The following DLGAP4 variants were observed in gnomAD, a reference collection of about 807,000 sequenced individuals.
DLGAP4 encodes disks large-associated protein 4.
In DLGAP4, 18 loss-of-function variants were observed where a neutral mutation model predicts 86.9. The ratio of observed to expected loss-of-function variants is 0.21; its 90% confidence interval spans 0.14 to 0.31. DLGAP4 has a LOEUF of 0.31. Among genes scored for constraint, DLGAP4 ranks in the 10% least tolerant of loss-of-function variants. The probability of loss-of-function intolerance (pLI) is 1.00; values close to 1 mark genes in which losing one functional copy is unlikely to be tolerated. For missense variants in DLGAP4, 1,085 were observed against 1,362.6 expected (o/e 0.80, Z 3.21); for synonymous variants, 548 against 574.3 (o/e 0.95, Z 0.65).
intron 10 of DLGAP4, among the ~76,000 whole-genome samples, chr20:36,512,930 C>CTTTT (rs1390698701): frequency 1.5e-5 from 1 of 66,492 alleles, no homozygotes; most frequent in African/African-American, 6.1e-5. Flanking sequence ...TCTCAGAGGC[C>CTTTT]CTTTTTTTTT....
At chr20:36,319,105 T>G (rs1042850976) in intron 1 of DLGAP4, among the ~76,000 whole-genome samples, 12 of 149,884 alleles carry the variant, frequency 8.0e-5, no homozygotes, top group African/African-American at 2.7e-4. Flanking sequence ...ATTGTGCCAC[T>G]GCACTCCAGC....
chr20:36,457,278 G>C (rs532086562), intron 7 of DLGAP4, among the ~76,000 whole-genome samples: 4 of 151,920 alleles, frequency 2.6e-5, no homozygotes, highest in Non-Finnish European at 5.9e-5. Flanking sequence ...GCGTGCAGTA[G>C]CGAGATCTTG....
At chr20:36,418,653 C>T (rs551261935) in intron 2 of DLGAP4, among the ~76,000 whole-genome samples, 1 of 152,254 alleles carries the variant, frequency 6.6e-6, no homozygotes, top group Admixed American at 6.5e-5. Flanking sequence ...ACCGAGCCCC[C>T]ACCCCCTGAG....
chr20:36,309,745 G>A (rs1209012520), intron 1 of DLGAP4, among the ~76,000 whole-genome samples: 1 of 152,202 alleles, frequency 6.6e-6, no homozygotes, highest in Admixed American at 6.5e-5. Flanking sequence ...CACTCGCCAG[G>A]TCACTGGCCT....
Position 36,432,382 on chromosome 20 carries a change from G to T in DLGAP4, c.665G>T (p.Gly222Val). 1 of 1,613,598 alleles carries T rather than the reference G, an allele frequency of 6.2e-7. No homozygotes were observed. The change falls in exon 3 of 13, where the codon GGC (glycine) becomes GTC (valine). Residue 222 changes from glycine (G) to valine (V), a missense_variant. Around this residue, in one of 2 missense-constraint regions of DLGAP4, gnomAD observed 1,082 missense variants for 1,344.1 expected, o/e 0.81. Transcript: ENST00000339266. The surrounding 1 kb of genome is among the most constrained non-coding windows in gnomAD (Gnocchi z 6.5). ...GAGGCCGGCGCCTTCCGCAGCAGTG[G>T]CCCAGCCTCTGGGCTGATGACACTA... ...DGEAGAFRSS[G>V]PASGLMTLGR...
At chr20:36,452,850 TG>T (rs1170484247) in intron 7 of DLGAP4, among the ~76,000 whole-genome samples, 1 of 145,182 alleles carries the variant, frequency 6.9e-6, no homozygotes, top group African/African-American at 2.6e-5. Context: ...TTTTTTTTTT[TG>T]AGACAGAGTC....
At chr20:36,383,791 C>A (rs533542238) in intron 2 of DLGAP4, among the ~76,000 whole-genome samples, 4 of 151,998 alleles carry the variant, frequency 2.6e-5, no homozygotes, top group African/African-American at 9.6e-5. Flanking sequence ...CTGGCTAACA[C>A]GGTGAAACGC....
chr20:36,514,310 G>T (rs1269368799), intron 10 of DLGAP4, among the ~76,000 whole-genome samples: 1 of 152,122 alleles, frequency 6.6e-6, no homozygotes, highest in South Asian at 2.1e-4. Context: ...ATTAAGAGAA[G>T]AGAAAACAGG....
At chr20:36,489,161 C>T (rs780222429) in intron 7 of DLGAP4, among the ~76,000 whole-genome samples, 4 of 152,218 alleles carry the variant, frequency 2.6e-5, no homozygotes, top group Non-Finnish European at 5.9e-5. Context: ...TGGAGTGTCA[C>T]CTTGTTCCAC....
intron 7 of DLGAP4, among the ~76,000 whole-genome samples, chr20:36,464,791 A>G (rs142074808): frequency 0.012 from 1,756 of 152,200 alleles, 32 homozygotes; most frequent in African/African-American, 0.04. Flanking sequence ...CGGAGGTTGC[A>G]GTGAGCTGAG....
At chr20:36,523,157 T>C (rs1393693836) in intron 10 of DLGAP4, among the ~76,000 whole-genome samples, 1 of 152,090 alleles carries the variant, frequency 6.6e-6, no homozygotes, top group Non-Finnish European at 1.5e-5. Context: ...TGGTCTAAGC[T>C]CACCACAGCC....
chr20:36,376,220 G>A (rs975276580), intron 2 of DLGAP4, among the ~76,000 whole-genome samples: 2 of 150,664 alleles, frequency 1.3e-5, no homozygotes, highest in Non-Finnish European at 3.0e-5. Context: ...GCTCATGCCT[G>A]TAATCCCGGC....
At chr20:36,362,839 G>A (rs2030565076) in intron 1 of DLGAP4, among the ~76,000 whole-genome samples, 2 of 152,194 alleles carry the variant, frequency 1.3e-5, no homozygotes, top group Non-Finnish European at 2.9e-5. Flanking sequence ...GGAGGGCTGG[G>A]GAGTGTAGCA....
At chr20:36,521,243 G>T (rs547303345) in intron 10 of DLGAP4, among the ~76,000 whole-genome samples, 2 of 152,322 alleles carry the variant, frequency 1.3e-5, no homozygotes, top group South Asian at 4.1e-4. Flanking sequence ...TTACAGGCGT[G>T]AGCCTCCACG....
chr20:36,380,952 G>C (rs1389950247), intron 2 of DLGAP4, among the ~76,000 whole-genome samples: 1 of 152,194 alleles, frequency 6.6e-6, no homozygotes, highest in Non-Finnish European at 1.5e-5. Context: ...GGACACCCTA[G>C]CTGCAAGGGA....
chr20:36,498,682 A>T (rs2035990180), intron 8 of DLGAP4: 1 of 152,406 alleles, frequency 6.6e-6, no homozygotes, highest in Non-Finnish European at 1.5e-5. Flanking sequence ...ACTTCTCTCC[A>T]CAAGGCCAAG....
intron 1 of DLGAP4, among the ~76,000 whole-genome samples, chr20:36,324,246 G>A (rs782313619): frequency 2.0e-4 from 30 of 152,082 alleles, no homozygotes; most frequent in Non-Finnish European, 1.5e-5. Context: ...GGCCAACATG[G>A]TAAAACCTCA....
At chr20:36,443,091 G>T (rs932365962) in intron 6 of DLGAP4, among the ~76,000 whole-genome samples, 2 of 152,178 alleles carry the variant, frequency 1.3e-5, no homozygotes, top group Admixed American at 1.3e-4. Flanking sequence ...GAAAGCCTGG[G>T]TCAGGCCTGG....
chr20:36,499,372 C>T (rs765222857), intron 8 of DLGAP4: 7 of 1,539,212 alleles, frequency 4.5e-6, no homozygotes, highest in South Asian at 2.4e-5. Context: ...CCCACCTGCC[C>T]GCCCGCCCGC....
Sources: allele counts gnomAD v4.1 joint callset (sites outside exome capture counted in the v4.1 genomes callset), GRCh38; gene constraint gnomAD v4.1.1; regional missense constraint gnomAD v4.1.1; non-coding constraint Gnocchi (gnomAD v3.1); transcripts MANE v1.5; gene names NCBI Gene and HGNC (gene_info 2026-07-23, HGNC 2026-07-21).